The following PLPPR4 variants were observed in gnomAD, a reference collection of about 807,000 sequenced individuals.
PLPPR4 encodes phospholipid phosphatase related 4, also known as phospholipid phosphatase-related protein type 4.
A neutral mutation model predicts 56.6 loss-of-function variants in PLPPR4; 24 were observed. The ratio of observed to expected loss-of-function variants is 0.42; its 90% confidence interval spans 0.31 to 0.60. The LOEUF (loss-of-function observed/expected upper bound fraction) is 0.60. PLPPR4 is among the 20% of genes least tolerant of loss of function. The pLI, the probability that PLPPR4 is intolerant of heterozygous loss-of-function variation, is 0.13. For synonymous variants in PLPPR4, 326 were observed against 328.1 expected (o/e 0.99, Z 0.07); for missense variants, 654 against 885.8 (o/e 0.74, Z 3.32).
chr1:99,302,302 A>G (rs1375825406), intron 6 of PLPPR4, among the ~76,000 whole-genome samples: 1 of 152,048 alleles, frequency 6.6e-6, no homozygotes, highest in East Asian at 1.9e-4. Flanking sequence ...ACTGTGATCC[A>G]ACTAATACTG....
rs1372425414 is a variant in PLPPR4, at chr1:99,309,148, T to C, written c.*2138T>C. 1.3e-5 allele frequency: 2 copies of C among 152,648 alleles called. No individual in the cohort carries two copies. The highest frequency in any genetic ancestry group is 1.3e-4 in the Admixed American group (2 of 15,280). The allele number at this position is 152,648 out of a possible 1,614,324, so 9.5% of individuals were successfully genotyped here. On this transcript the variant is annotated 3_prime_UTR_variant, in exon 7 of 7. Transcript: ENST00000370185. ...CCACATTGTTAAGGACATATAATGA[T>C]AGACACTAGAACTCAGACCTCTGCA...
At chr1:99,296,514 C>T (rs1659746084) in intron 2 of PLPPR4, among the ~76,000 whole-genome samples, 1 of 152,114 alleles carries the variant, frequency 6.6e-6, no homozygotes, top group South Asian at 2.1e-4. Context: ...ACATGAGAGT[C>T]CAGAAGACCC....
intron 2 of PLPPR4, among the ~76,000 whole-genome samples, chr1:99,296,429 A>T (rs1184200867): frequency 6.6e-6 from 1 of 152,154 alleles, no homozygotes; most frequent in Non-Finnish European, 1.5e-5. Context: ...ACACTCACAT[A>T]CTTTCCATGG....
chr1:99,263,157 A>G (rs1040333711), upstream of PLPPR4, among the ~76,000 whole-genome samples: 1 of 152,176 alleles, frequency 6.6e-6, no homozygotes, highest in Admixed American at 6.5e-5. Context: ...TCCAGGACCT[A>G]CTTGGAGTTT....
At chr1:99,271,943 T>TGTGTGTGA (rs140869914) in intron 1 of PLPPR4, among the ~76,000 whole-genome samples, 7,109 of 126,882 alleles carry the variant, frequency 0.056, 343 homozygotes, top group African/African-American at 0.095. Context: ...TGTGTGTGTG[T>TGTGTGTGA]GATGGAGATC....
chr1:99,299,604 A>G (rs1462922483), intron 4 of PLPPR4, among the ~76,000 whole-genome samples: 1 of 152,080 alleles, frequency 6.6e-6, no homozygotes. Context: ...AACTAAACAC[A>G]TATGAAAGTT....
chr1:99,306,266 G>T lies in PLPPR4; in HGVS notation c.1404G>T (p.Met468Ile), dbSNP rs769321355. 2.5e-6 allele frequency: 4 copies of T among 1,614,178 alleles called. No homozygotes were observed. The highest frequency in any genetic ancestry group is 3.3e-4 in the Middle Eastern group (2 of 6,060). ...PGAVPGCNNS[M>I]PGGPRVSIQS... The stretch of plus-strand genomic sequence containing the variant: ...CTGTCCCCGGATGTAACAACAGCAT[G>T]CCTGGAGGGCCAAGAGTGTCCATTC... The change falls in exon 7 of 7, where the codon ATG becomes ATT. Residue 468 changes from methionine to isoleucine, a missense_variant. Transcript: ENST00000370185. The surrounding 1 kb of genome is among the most constrained non-coding windows in gnomAD (Gnocchi z 4.0).
intron 1 of PLPPR4, among the ~76,000 whole-genome samples, chr1:99,279,491 C>G (rs1026682058): frequency 3.9e-5 from 6 of 152,152 alleles, no homozygotes; most frequent in Admixed American, 6.6e-5. Context: ...CAAGGAATAA[C>G]GTTCAGGACC....
chr1:99,281,336 C>A (rs1378003297), intron 1 of PLPPR4, among the ~76,000 whole-genome samples: 1 of 152,132 alleles, frequency 6.6e-6, no homozygotes, highest in African/African-American at 2.4e-5. Flanking sequence ...GTCATACAAG[C>A]CACATCTGTT....
Position 99,306,655 on chromosome 1 carries a change from C to G in PLPPR4, c.1793C>G (p.Ser598Cys). The change falls in exon 7 of 7, where the codon TCC becomes TGC. Residue 598 changes from serine (S) to cysteine (C), a missense_variant. Coordinates refer to ENST00000370185, the MANE Select transcript of PLPPR4 (RefSeq NM_014839.5). This position sits in a 1 kb window ranked among gnomAD's most constrained non-coding sequence, Gnocchi z 4.0. ...IPSTEGEGSG[S>C]WKWKAPEKGS... ...TCCACTGAAGGTGAAGGCAGTGGCT[C>G]CTGGAAGTGGAAAGCCCCTGAAAAG... 6.2e-7 allele frequency: 1 copy of G among 1,614,096 alleles called. No homozygotes were observed. The highest frequency in any genetic ancestry group is 8.5e-7 in the Non-Finnish European group (1 of 1,180,016).
At chr1:99,263,998 C>T (rs1001566005), upstream of PLPPR4, 2 of 159,018 alleles carry the variant, frequency 1.3e-5, no homozygotes, top group African/African-American at 4.8e-5. Context: ...TAATGCCTAC[C>T]TCAGCCTACT....
At chr1:99,276,173 C>T (rs1348492093) in intron 1 of PLPPR4, among the ~76,000 whole-genome samples, 1 of 152,070 alleles carries the variant, frequency 6.6e-6, no homozygotes, top group Non-Finnish European at 1.5e-5. Context: ...TGAAGAAGGG[C>T]TCATAATGGG....
chr1:99,264,763 C>A, intron 1 of PLPPR4, 92 bp downstream of exon 1: 1 of 1,407,160 alleles, frequency 7.1e-7, no homozygotes, highest in South Asian at 1.2e-5. Flanking sequence ...GCGCAGAGAT[C>A]CTGCCGGGCG....
chr1:99,288,172 G>T (rs779014636), intron 2 of PLPPR4, 22 bp downstream of exon 2: 3 of 1,607,790 alleles, frequency 1.9e-6, no homozygotes, highest in Non-Finnish European at 2.5e-6. Flanking sequence ...CCCCAAAATT[G>T]TGTTTATCTG....
intron 1 of PLPPR4, among the ~76,000 whole-genome samples, chr1:99,269,778 TAGAGA>T (rs1414086037): frequency 6.6e-6 from 1 of 152,082 alleles, no homozygotes; most frequent in Non-Finnish European, 1.5e-5. Flanking sequence ...GGGCTACAGA[TAGAGA>T]AAAGAGTTTG....
chr1:99,306,727 C>T lies in PLPPR4; in HGVS notation c.1865C>T (p.Ser622Leu). The T allele has an allele frequency of 6.2e-7, 1 of 1,613,998 alleles. No homozygotes were observed. Among genetic ancestry groups the T allele is most frequent in the Non-Finnish European group, 8.5e-7 (1 of 1,179,988 alleles). ...TYELNDLNRD[S>L]ESCESLKDSF... is the part of the protein sequence containing the mutation. The stretch of plus-strand genomic sequence containing the variant: ...GAGCTCAACGATCTCAACAGGGACT[C>T]AGAAAGCTGTGAGTCTCTGAAAGAC... Residue 622 changes from serine (S) to leucine (L), a missense_variant, in exon 7 of 7, where the codon TCA becomes TTA. Physicochemically the swap from Ser to Leu is moderately radical, Grantham distance 145. Around this residue, in one of 2 missense-constraint regions of PLPPR4, gnomAD observed 468 missense variants for 554.3 expected, o/e 0.84. Transcript: ENST00000370185. The surrounding 1 kb of genome is among the most constrained non-coding windows in gnomAD (Gnocchi z 4.0).
rs1199143312 is a variant in PLPPR4, at chr1:99,307,134, G to T, written c.*124G>T. 8.0e-7 allele frequency: 1 copy of T among 1,245,986 alleles called. No individual in the cohort carries two copies. The highest frequency in any genetic ancestry group is 1.1e-6 in the Non-Finnish European group (1 of 904,150). 77.2% of individuals were successfully genotyped at this position (1,245,986 alleles called of 1,614,324 possible). On this transcript the variant is annotated 3_prime_UTR_variant, in exon 7 of 7. Coordinates refer to ENST00000370185, the MANE Select transcript of PLPPR4 (RefSeq NM_014839.5). The stretch of plus-strand genomic sequence containing the variant: ...TTGTCTACCATCAGCCCAGAACTCT[G>T]TAACTTTTCAGAACTGCTATACTCA...
Position 99,288,006 on chromosome 1 carries a change from C to T in PLPPR4, c.120C>T (p.Leu40=). 6.2e-7 allele frequency: 1 copy of T among 1,613,434 alleles called. No homozygotes were observed. Among genetic ancestry groups the T allele is most frequent in the Non-Finnish European group, 8.5e-7 (1 of 1,179,718 alleles). The change falls in exon 2 of 7, where the codon CTC becomes CTT. Residue 40 remains leucine (L), a synonymous_variant. Transcript: ENST00000370185. ...CATCGGTGGTTAGCCTCTATTTCCT[C>T]GAACTCACAGATGTCTTCAAACCTG... ...LASSVVSLYF[L]ELTDVFKPVH... is the part of the protein sequence containing the mutation.
chr1:99,296,885 C>A lies in PLPPR4; in HGVS notation c.394+18C>A. On this transcript the variant is annotated intron_variant, in intron 3 of 6. Transcript: ENST00000370185. ...ATTCGTTGGTGGGTGTGGGGAACCA[C>A]AAAGAAAAGAAATGCTTTTTTTTTT... 2 of 1,504,600 alleles carry A rather than the reference C, an allele frequency of 1.3e-6. No homozygotes were observed. Among genetic ancestry groups the A allele is most frequent in the Admixed American group, 2.1e-5 (1 of 46,836 alleles). The allele number at this position is 1,504,600 out of a possible 1,614,324, so 93.2% of individuals were successfully genotyped here.
Sources: allele counts gnomAD v4.1 joint callset (sites outside exome capture counted in the v4.1 genomes callset), GRCh38; gene constraint gnomAD v4.1.1; regional missense constraint gnomAD v4.1.1; non-coding constraint Gnocchi (gnomAD v3.1); transcripts MANE v1.5; gene names NCBI Gene and HGNC (gene_info 2026-07-23, HGNC 2026-07-21).